RIPK1: variants seen among roughly 807,000 people sequenced by gnomAD.
RIPK1 encodes the protein receptor-interacting serine/threonine-protein kinase 1.
RIPK1 carries 27 observed loss-of-function variants against 62.4 expected under a neutral mutation model. The ratio of observed to expected loss-of-function variants is 0.43; its 90% CI spans 0.32 to 0.60. The LOEUF (loss-of-function observed/expected upper bound fraction) is 0.60. Ranked by LOEUF, RIPK1 falls within the 20% of genes least tolerant of loss-of-function variation. The pLI is 0.07. For synonymous variants in RIPK1, 287 were observed against 303.2 expected (o/e 0.95, Z 0.55); for missense variants, 735 against 831.0 (o/e 0.88, Z 1.42).
chr6:3,081,205 T>G, intron 4 of RIPK1, 89 bp downstream of exon 4: 1 of 1,445,456 alleles, frequency 6.9e-7, no homozygotes, highest in Non-Finnish European at 9.5e-7. Context: ...TTGGAGAAGC[T>G]AAAGGAAGAC....
chr6:3,110,735 G>C (rs1434857047), intron 9 of RIPK1, 68 bp from the exon 10 acceptor site: 9 of 973,324 alleles, frequency 9.2e-6, no homozygotes, highest in Non-Finnish European at 1.4e-5. Context: ...CTGCTTTTTT[G>C]CCATGCTGTA....
intron 1 of RIPK1, among the ~76,000 whole-genome samples, chr6:3,070,957 C>T (rs560739228): frequency 6.6e-6 from 1 of 152,328 alleles, no homozygotes; most frequent in East Asian, 1.9e-4. Context: ...TTAGGTGAAT[C>T]ACTTAGCTCC....
chr6:3,088,945 G>C (rs1409534023), intron 6 of RIPK1: 1 of 152,164 alleles, frequency 6.6e-6, no homozygotes, highest in Admixed American at 6.5e-5. Flanking sequence ...AGCCAAGTCT[G>C]AGATATATGA....
Position 3,072,447 on chromosome 6 carries a change from G to A in RIPK1, c.-61+3786G>A, listed in dbSNP as rs540998000. Among the ~76,000 whole-genome samples, 42 of 151,768 alleles carry A rather than the reference G, an allele frequency of 2.8e-4. 1 individual carries two copies. Among genetic ancestry groups the A allele is most frequent in the African/African-American group, 7.5e-4 (31 of 41,304 alleles). On this transcript the variant is annotated intron_variant, in intron 1 of 10. Transcript: ENST00000259808. This position sits in a 1 kb window ranked among gnomAD's most constrained non-coding sequence, Gnocchi z 5.6. ...GAATATAATTTTTACAGATTTATTC[G>A]TCAAAAACAATTTTGAATGGCTATA...
At chr6:3,087,817 T>A (rs17548423) in intron 6 of RIPK1, among the ~76,000 whole-genome samples, 6 of 152,160 alleles carry the variant, frequency 3.9e-5, no homozygotes, top group South Asian at 2.1e-4. Context: ...GGATTACAGG[T>A]GTGAGCCACT....
At chr6:3,078,073 T>C (rs1164075622) in intron 3 of RIPK1, 138 bp downstream of exon 3, 1 of 802,030 alleles carries the variant, frequency 1.2e-6, no homozygotes, top group Non-Finnish European at 1.9e-6. Context: ...TTCTTTTCCT[T>C]TTTTTATAGA....
At chr6:3,081,520 T>C (rs920173861) in intron 4 of RIPK1, among the ~76,000 whole-genome samples, 6 of 152,090 alleles carry the variant, frequency 3.9e-5, no homozygotes. Flanking sequence ...TGCAGGGGAA[T>C]GTGAAGGTGT....
chr6:3,073,235 A>AT (rs1167929665), intron 1 of RIPK1, among the ~76,000 whole-genome samples: 1 of 130,056 alleles, frequency 7.7e-6, no homozygotes, highest in Non-Finnish European at 1.7e-5. Context: ...ACACATATAC[A>AT]TTTTTATATC....
intron 3 of RIPK1, among the ~76,000 whole-genome samples, chr6:3,079,979 G>A (rs553662239): frequency 2.0e-5 from 3 of 152,170 alleles, no homozygotes; most frequent in Non-Finnish European, 4.4e-5. Context: ...GCATCAGGAG[G>A]ACCTGAGAGA....
Position 3,071,990 on chromosome 6 carries a change from T to A in RIPK1, c.-61+3329T>A, listed in dbSNP as rs192137024. On this transcript the variant is annotated intron_variant, in intron 1 of 10. Coordinates refer to ENST00000259808, the MANE Select transcript of RIPK1 (RefSeq NM_001354930.2). ...TTTCTTTACTGTCTGTGACCTTTTT[T>A]AAATATTATTAAACATTCTTTCACA... Among the ~76,000 whole-genome samples the A allele has an allele frequency of 1.4e-3, 214 of 152,370 alleles. 3 individuals carry two copies. The East Asian group carries it at 0.036, about 26-fold the overall frequency.
chr6:3,085,755 C>G (rs1234926057), intron 6 of RIPK1, among the ~76,000 whole-genome samples: 6 of 152,340 alleles, frequency 3.9e-5, no homozygotes, highest in Admixed American at 1.3e-4. Flanking sequence ...TCGTCTCTCT[C>G]CCTGCCCCTG....
intron 7 of RIPK1, among the ~76,000 whole-genome samples, chr6:3,095,364 G>A (rs1760234817): frequency 6.6e-6 from 1 of 152,100 alleles, no homozygotes; most frequent in African/African-American, 2.4e-5. Flanking sequence ...AATGATTTCT[G>A]CCAAATATTC....
intron 1 of RIPK1, among the ~76,000 whole-genome samples, chr6:3,074,290 T>C (rs757489885): frequency 2.6e-5 from 4 of 152,242 alleles, no homozygotes; most frequent in Non-Finnish European, 5.9e-5. Context: ...AATTACATAG[T>C]ATGTATGCTT....
chr6:3,073,535 G>C (rs1235612226), intron 1 of RIPK1, among the ~76,000 whole-genome samples: 1 of 151,952 alleles, frequency 6.6e-6, no homozygotes, highest in Non-Finnish European at 1.5e-5. Flanking sequence ...TCAGTCTTCA[G>C]GCCTTCATCT....
intron 1 of RIPK1, among the ~76,000 whole-genome samples, chr6:3,069,369 G>A (rs1253900351): frequency 6.6e-6 from 1 of 152,130 alleles, no homozygotes; most frequent in Non-Finnish European, 1.5e-5. Context: ...AGGTGCTTTT[G>A]TGAAGTGCTG....
intron 1 of RIPK1, among the ~76,000 whole-genome samples, chr6:3,076,350 G>A (rs1759045720): frequency 6.6e-6 from 1 of 152,054 alleles, no homozygotes; most frequent in African/African-American, 2.4e-5. Context: ...AGCATGTGGT[G>A]GAATGTTAAC....
chr6:3,082,834 C>A (rs1044340551), intron 4 of RIPK1, among the ~76,000 whole-genome samples: 1 of 152,208 alleles, frequency 6.6e-6, no homozygotes. Flanking sequence ...TCCCCTCCCC[C>A]TTACTGCATA....
chr6:3,077,610 G>A (rs185804516), intron 2 of RIPK1, among the ~76,000 whole-genome samples, 169 bp from the exon 3 acceptor site: 3 of 152,332 alleles, frequency 2.0e-5, no homozygotes, highest in Admixed American at 6.5e-5. Context: ...AGTACTGTGA[G>A]GAAGTGAGAA....
intron 7 of RIPK1, among the ~76,000 whole-genome samples, chr6:3,100,616 G>A (rs192872605): frequency 1.4e-3 from 215 of 151,862 alleles, no homozygotes; most frequent in Admixed American, 0.012. Flanking sequence ...TTTTTGAGAC[G>A]GTCTTACTCT....
Sources: allele counts gnomAD v4.1 joint callset (sites outside exome capture counted in the v4.1 genomes callset), GRCh38; gene constraint gnomAD v4.1.1; non-coding constraint Gnocchi (gnomAD v3.1); transcripts MANE v1.5; gene names NCBI Gene and HGNC (gene_info 2026-07-23, HGNC 2026-07-21).